The following UGGT1 variants were observed in gnomAD, a reference collection of about 807,000 sequenced individuals.
The protein encoded by UGGT1 is UDP-glucose glycoprotein glucosyltransferase 1.
Under a neutral mutation model 203.9 loss-of-function variants are expected in UGGT1, and 107 were observed. The ratio of observed to expected loss-of-function variants is 0.52; its 90% CI spans 0.45 to 0.62. The LOEUF (loss-of-function observed/expected upper bound fraction) is 0.62. Among genes scored for constraint, UGGT1 ranks in the 20% least tolerant of loss-of-function variants. The pLI is 0.00. For synonymous variants in UGGT1, 628 were observed against 653.5 expected (o/e 0.96, Z 0.59); for missense variants, 1,673 against 1,867.2 (o/e 0.90, Z 1.92).
At chr2:128,183,334 G>A (rs1027328599) in intron 37 of UGGT1, among the ~76,000 whole-genome samples, 9 of 151,328 alleles carry the variant, frequency 5.9e-5, no homozygotes, top group African/African-American at 2.2e-4. Flanking sequence ...TCCCCCCCCT[G>A]TAACATTGAA....
At position 128,145,871 on chromosome 2, in the gene UGGT1, C is replaced by T. The variant is rs139800360; in HGVS notation, c.1920C>T (p.Pro640=). The T allele has an allele frequency of 1.3e-4, 211 of 1,614,074 alleles. 1 individual carries two copies. Among genetic ancestry groups the T allele is most frequent in the South Asian group, 9.8e-4 (89 of 91,066 alleles). Residue 640 remains proline, a synonymous_variant, in exon 18 of 41, where the codon CCC becomes CCT. Transcript: ENST00000259253. ...CCGTTGTGCTGTTCAATGGAATGCC[C>T]TTTGAAAGGGAACAGCTAGACCCTG... ...PLPVVLFNGM[P]FEREQLDPDE... is the part of the protein sequence containing the mutation.
At chr2:128,124,090 C>A (rs1032786475) in intron 11 of UGGT1, among the ~76,000 whole-genome samples, 4 of 152,106 alleles carry the variant, frequency 2.6e-5, no homozygotes, top group Non-Finnish European at 5.9e-5. Context: ...GGACCACAGG[C>A]GCCTGCTACC....
rs1688658076 is a variant in UGGT1, at chr2:128,127,440, A to G, written c.1214A>G (p.Gln405Arg). The change falls in exon 12 of 41, where the codon CAG becomes CGG. Residue 405 changes from glutamine to arginine, a missense_variant. Around this residue, in one of 4 missense-constraint regions of UGGT1, gnomAD observed 1,073 missense variants for 1,078.7 expected, o/e 0.99. Coordinates refer to ENST00000259253, the MANE Select transcript of UGGT1 (RefSeq NM_020120.4). ...INGLHMDLDTQDIFSLFDVLR... is the reference protein window; with the variant it reads ...INGLHMDLDTRDIFSLFDVLR... ...GGACTTCACATGGATTTAGATACAC[A>G]GGATATATTCAGGTATGGATAATAT... 6.2e-7 allele frequency: 1 copy of G among 1,610,944 alleles called. No individual in the cohort carries two copies. Among genetic ancestry groups the G allele is most frequent in the Admixed American group, 1.7e-5 (1 of 59,972 alleles).
intron 35 of UGGT1, among the ~76,000 whole-genome samples, 158 bp downstream of exon 35, chr2:128,180,028 T>C (rs1428192155): frequency 6.6e-6 from 1 of 152,254 alleles, no homozygotes; most frequent in Non-Finnish European, 1.5e-5. Context: ...TCTTCCAGAT[T>C]GGTCTATTTG....
intron 37 of UGGT1, among the ~76,000 whole-genome samples, chr2:128,183,160 C>T (rs1691795610): frequency 6.6e-6 from 1 of 152,050 alleles, no homozygotes; most frequent in South Asian, 2.1e-4. Flanking sequence ...TAATGAGCAC[C>T]CCATTCTCTT....
rs1189694160 is a variant in UGGT1, at chr2:128,097,488, G to C, written c.118G>C (p.Val40Leu). ...VLTVLWLFSS[V>L]KADSKAITTS... is the part of the protein sequence containing the mutation. ...CACTGTTCTGTGGCTGTTCTCCTCA[G>C]TAAAGGCCGACTCAAAAGCCATTAC... Residue 40 changes from valine to leucine, a missense_variant, in exon 2 of 41, where the codon GTA (valine) becomes CTA (leucine). Physicochemically the swap from Val to Leu is conservative, Grantham distance 32. Transcript: ENST00000259253. 2 of 1,614,142 alleles carry C rather than the reference G, an allele frequency of 1.2e-6. No homozygotes were observed. The highest frequency in any genetic ancestry group is 2.7e-5 in the African/African-American group (2 of 75,030).
intron 1 of UGGT1, among the ~76,000 whole-genome samples, chr2:128,094,325 A>G (rs1687006983): frequency 6.6e-6 from 1 of 152,164 alleles, no homozygotes; most frequent in Non-Finnish European, 1.5e-5. Flanking sequence ...TATATTTCCA[A>G]TGTGTATTTT....
At chr2:128,134,041 T>TCC (rs55814081) in intron 14 of UGGT1, among the ~76,000 whole-genome samples, 5 of 152,014 alleles carry the variant, frequency 3.3e-5, no homozygotes, top group East Asian at 1.9e-4. Flanking sequence ...TCTCTTTTCT[T>TCC]CCCCCCACTC....
At chr2:128,108,137 G>T in intron 4 of UGGT1, 69 bp downstream of exon 4, 1 of 1,544,712 alleles carries the variant, frequency 6.5e-7, no homozygotes, top group Non-Finnish European at 8.8e-7. Context: ...GACCCCAGTT[G>T]TCCTGGAATT....
At chr2:128,129,596 A>G (rs1416752053) in intron 13 of UGGT1, among the ~76,000 whole-genome samples, 1 of 151,818 alleles carries the variant, frequency 6.6e-6, no homozygotes, top group Admixed American at 6.6e-5. Flanking sequence ...ACGGGGTTTC[A>G]CAATATTGGT....
rs893315145 is a variant in UGGT1 at position 128,161,196 on chromosome 2, A to T, written c.2753A>T (p.Glu918Val). The change falls in exon 25 of 41, where the codon GAA (glutamate) becomes GTA (valine). Residue 918 changes from glutamate (E) to valine (V), a missense_variant. Coordinates refer to ENST00000259253, the MANE Select transcript of UGGT1 (RefSeq NM_020120.4). The part of the protein sequence containing the change: ...LFNQDDFHLL[E>V]NIILKTSGQK... Reference sequence around the variant, plus strand: ...AATCAAGACGATTTCCACCTCCTCGAAAATATCATCTTAAAAACCTCAGGA... The same window carrying T: ...AATCAAGACGATTTCCACCTCCTCGTAAATATCATCTTAAAAACCTCAGGA... 15 of 1,614,086 alleles carry T rather than the reference A, an allele frequency of 9.3e-6. No homozygotes were observed. Among genetic ancestry groups the T allele is most frequent in the Non-Finnish European group, 1.3e-5 (15 of 1,179,992 alleles).
At chr2:128,093,543 G>C (rs567593824) in intron 1 of UGGT1, among the ~76,000 whole-genome samples, 12 of 152,236 alleles carry the variant, frequency 7.9e-5, no homozygotes, top group African/African-American at 2.9e-4. Flanking sequence ...CTCCTCCCTT[G>C]GTTTCAGGTT....
intron 21 of UGGT1, 120 bp from the exon 22 acceptor site, chr2:128,157,132 T>C (rs2104728022): frequency 2.8e-6 from 2 of 720,814 alleles, no homozygotes; most frequent in Non-Finnish European, 4.7e-6. Context: ...ATTAAGCTTG[T>C]CATTTTCTTC....
chr2:128,117,660 T>C (rs955784583), intron 8 of UGGT1, among the ~76,000 whole-genome samples: 3 of 151,458 alleles, frequency 2.0e-5, no homozygotes, highest in Admixed American at 6.6e-5. Flanking sequence ...TCTCCTGCCT[T>C]AGCCTCCCAA....
chr2:128,181,125 C>T, intron 36 of UGGT1, 53 bp downstream of exon 36: 1 of 1,525,228 alleles, frequency 6.6e-7, no homozygotes, highest in Non-Finnish European at 8.9e-7. Flanking sequence ...CAACAAATTG[C>T]TTCTTTTTAA....
chr2:128,133,271 C>T lies in UGGT1; in HGVS notation c.1497+11C>T. On this transcript the variant is annotated intron_variant, in intron 14 of 40. Coordinates refer to ENST00000259253, the MANE Select transcript of UGGT1 (RefSeq NM_020120.4). ...AACTTACATAATATGGTAAGTAAAA[C>T]TTATTGTCTGGCTGTGAACTCTGTT... is the stretch of plus-strand genomic sequence containing the variant. 1.2e-6 allele frequency: 2 copies of T among 1,610,088 alleles called. No individual in the cohort carries two copies. Among genetic ancestry groups the T allele is most frequent in the East Asian group, 4.5e-5 (2 of 44,614 alleles).
Position 128,186,797 on chromosome 2 carries a change from T to G in UGGT1, c.4474T>G (p.Leu1492Val). ...ASKKRAKTID[L>V]CNNPMTKEPK... ...TAAGAAAAGGGCAAAAACCATTGAT[T>G]TGGTAAGCCGTATGTGGTGTGCTTC... Residue 1492 changes from leucine to valine, a missense_variant and splice_region_variant, in exon 39 of 41, where the codon TTG becomes GTG. By Grantham distance (32) the Leu-to-Val change is conservative (BLOSUM62 1). Around this residue, in one of 4 missense-constraint regions of UGGT1, gnomAD observed 513 missense variants for 684.1 expected, o/e 0.75. Coordinates refer to ENST00000259253, the MANE Select transcript of UGGT1 (RefSeq NM_020120.4). The G allele has an allele frequency of 6.2e-7, 1 of 1,611,772 alleles. No individual in the cohort carries two copies. The highest frequency in any genetic ancestry group is 8.5e-7 in the Non-Finnish European group (1 of 1,178,348).
At chr2:128,097,645 G>A in intron 2 of UGGT1, 81 bp downstream of exon 2, 3 of 1,531,738 alleles carry the variant, frequency 2.0e-6, no homozygotes, top group Non-Finnish European at 2.7e-6. Context: ...GCTTTTTAAG[G>A]AGTGAGATTA....
chr2:128,178,651 T>TTC, intron 34 of UGGT1, 82 bp downstream of exon 34: 1 of 1,215,462 alleles, frequency 8.2e-7, no homozygotes, highest in South Asian at 1.4e-5. Context: ...TTTTGTGGGA[T>TTC]TCTGCTCATT....
Sources: allele counts gnomAD v4.1 joint callset (sites outside exome capture counted in the v4.1 genomes callset), GRCh38; gene constraint gnomAD v4.1.1; regional missense constraint gnomAD v4.1.1; transcripts MANE v1.5; gene names NCBI Gene and HGNC (gene_info 2026-07-23, HGNC 2026-07-21).